Variants in EFCAB6 observed in about 807,000 individuals in gnomAD.
EFCAB6 encodes the protein EF-hand calcium-binding domain-containing protein 6.
EFCAB6 carries 156 observed loss-of-function variants against 169.8 expected under a neutral mutation model. The ratio of observed to expected loss-of-function variants is 0.92; its 90% CI spans 0.81 to 1.05. EFCAB6 has a LOEUF of 1.05. Among genes scored for constraint, EFCAB6 ranks in the 50% least tolerant of loss-of-function variants. EFCAB6 has a pLI of 0.00. For synonymous variants in EFCAB6, 698 were observed against 676.4 expected (o/e 1.03, Z -0.50); for missense variants, 1,800 against 1,829.1 (o/e 0.98, Z 0.29).
intron 6 of EFCAB6, among the ~76,000 whole-genome samples, chr22:43,751,579 C>T (rs192750307): frequency 1.2e-4 from 19 of 152,188 alleles, no homozygotes; most frequent in African/African-American, 3.9e-4. Flanking sequence ...GAAAGACTGA[C>T]GCGGTGGAGG....
At position 43,765,313 on chromosome 22, in the gene EFCAB6, A is replaced by G; in HGVS notation, c.432T>C (p.Gly144=). The change falls in exon 5 of 32, where the codon GGT becomes GGC. Residue 144 remains glycine, a synonymous_variant. Transcript: ENST00000262726. Reference sequence around the variant, plus strand: ...GCAAACCAAACACTTACCTCTTTATACCATTTATATATAGGTCAATTCCAC... The same window carrying G: ...GCAAACCAAACACTTACCTCTTTATGCCATTTATATATAGGTCAATTCCAC... ...RFGGIDLYIN[G]IKRGGGNEMN... is the part of the protein sequence containing the mutation. 6.2e-7 allele frequency: 1 copy of G among 1,611,284 alleles called. No individual in the cohort carries two copies. Among genetic ancestry groups the G allele is most frequent in the Non-Finnish European group, 8.5e-7 (1 of 1,177,974 alleles).
chr22:43,809,557 C>G (rs774701435), intron 1 of EFCAB6, among the ~76,000 whole-genome samples: 1 of 152,140 alleles, frequency 6.6e-6, no homozygotes, highest in Non-Finnish European at 1.5e-5. Context: ...TGTTAAGTCC[C>G]TTAACCTCTC....
At chr22:43,727,104 C>T (rs965363695) in intron 8 of EFCAB6, among the ~76,000 whole-genome samples, 1 of 152,044 alleles carries the variant, frequency 6.6e-6, no homozygotes, top group Non-Finnish European at 1.5e-5. Context: ...CTGAGATGAC[C>T]TAGTTGTTGG....
intron 4 of EFCAB6, among the ~76,000 whole-genome samples, chr22:43,767,796 C>G (rs1290609355): frequency 7.3e-6 from 1 of 137,582 alleles, no homozygotes; most frequent in African/African-American, 2.8e-5. Context: ...AACACAAATT[C>G]TAATGTGGTA....
intron 17 of EFCAB6, among the ~76,000 whole-genome samples, chr22:43,637,776 TG>T (rs1205120188): frequency 6.6e-6 from 1 of 152,220 alleles, no homozygotes; most frequent in Non-Finnish European, 1.5e-5. Context: ...AGGATGGCAC[TG>T]GTGTTCAGGT....
At chr22:43,683,631 A>T in intron 12 of EFCAB6, 116 bp downstream of exon 12, 1 of 776,182 alleles carries the variant, frequency 1.3e-6, no homozygotes, top group Non-Finnish European at 2.2e-6. Flanking sequence ...GGGGCTCAAG[A>T]AGTGTTTGTT....
chr22:43,537,528 G>C lies in EFCAB6; in HGVS notation c.3897C>G (p.Thr1299=). 6.2e-7 allele frequency: 1 copy of C among 1,613,944 alleles called. No individual in the cohort carries two copies. Among genetic ancestry groups the C allele is most frequent in the Middle Eastern group, 1.7e-4 (1 of 6,060 alleles). The change falls in exon 29 of 32, where the codon ACC becomes ACG. Residue 1299 remains threonine, a synonymous_variant. Coordinates refer to ENST00000262726, the MANE Select transcript of EFCAB6 (RefSeq NM_022785.4). The surrounding 1 kb of genome is among the most constrained non-coding windows in gnomAD (Gnocchi z 4.3). ...QSHPCTPAST[T]VIPGTPPLQN... ...GCAAGGGTGGAGTGCCCGGGATCACGGTGGTGCTCGCTGGAGTCTAGCAGG... is the reference window on the plus strand; with the variant it reads ...GCAAGGGTGGAGTGCCCGGGATCACCGTGGTGCTCGCTGGAGTCTAGCAGG...
At chr22:43,811,350 G>A (rs2063116584) in intron 1 of EFCAB6, among the ~76,000 whole-genome samples, 1 of 118,386 alleles carries the variant, frequency 8.4e-6, no homozygotes. Flanking sequence ...GAGGAGGGGA[G>A]GAAGGGAAGA....
chr22:43,738,211 C>T (rs549262380), intron 6 of EFCAB6, among the ~76,000 whole-genome samples: 4 of 151,200 alleles, frequency 2.6e-5, no homozygotes, highest in African/African-American at 4.9e-5. Flanking sequence ...AACTCACACA[C>T]GTGCATATAC....
intron 31 of EFCAB6, 91 bp downstream of exon 31, chr22:43,530,724 A>T: frequency 6.4e-7 from 1 of 1,572,632 alleles, no homozygotes; most frequent in Non-Finnish European, 8.6e-7. Context: ...GGCCTTCGGC[A>T]GCAGGTAGAG....
At chr22:43,753,859 G>A (rs1441129085) in intron 6 of EFCAB6, among the ~76,000 whole-genome samples, 3 of 152,200 alleles carry the variant, frequency 2.0e-5, no homozygotes, top group Admixed American at 1.3e-4. Context: ...CTTGGCTCCA[G>A]TAAGCCACGT....
chr22:43,547,817 C>T (rs958076966), intron 27 of EFCAB6, among the ~76,000 whole-genome samples: 6 of 144,742 alleles, frequency 4.1e-5, no homozygotes. Context: ...AAAGGCTGGG[C>T]GTGGTGGCTC....
chr22:43,708,829 A>T (rs1355555365), intron 10 of EFCAB6, among the ~76,000 whole-genome samples: 1 of 152,210 alleles, frequency 6.6e-6, no homozygotes, highest in East Asian at 1.9e-4. Context: ...AGAATTGTAT[A>T]TAATACAGCA....
rs549808631 is a variant in EFCAB6 at position 43,631,136 on chromosome 22, C to T, written c.2232+969G>A. 3.8e-4 allele frequency among the ~76,000 whole-genome samples: 58 copies of T among 151,938 alleles called. 1 individual carries two copies. Among genetic ancestry groups the T allele is most frequent in the African/African-American group, 1.3e-3 (52 of 41,290 alleles). Reference sequence around the variant, plus strand: ...CAGGCTGCTCTGATACCCAGTCTCTCGCCCGTCCCTTCCCTTCTGGACTTC... The same window carrying T: ...CAGGCTGCTCTGATACCCAGTCTCTTGCCCGTCCCTTCCCTTCTGGACTTC... On this transcript the variant is annotated intron_variant, in intron 19 of 31. Transcript: ENST00000262726.
intron 23 of EFCAB6, among the ~76,000 whole-genome samples, chr22:43,596,127 C>T (rs1161294918): frequency 1.3e-5 from 2 of 151,972 alleles, no homozygotes; most frequent in African/African-American, 4.8e-5. Flanking sequence ...ATGACAAACC[C>T]ATAGCTAATA....
At chr22:43,668,795 G>T in intron 16 of EFCAB6, 77 bp downstream of exon 16, 1 of 1,283,282 alleles carries the variant, frequency 7.8e-7, no homozygotes, top group South Asian at 2.5e-5. Flanking sequence ...ATACTCAGTT[G>T]ACAAATAGTT....
intron 26 of EFCAB6, among the ~76,000 whole-genome samples, chr22:43,575,200 GTTTGT>G (rs1419119794): frequency 1.3e-5 from 2 of 151,780 alleles, no homozygotes; most frequent in African/African-American, 4.8e-5. Context: ...TTGTTTGTTT[GTTTGT>G]TTTGAGACAG....
intron 25 of EFCAB6, among the ~76,000 whole-genome samples, chr22:43,579,237 A>G (rs1186630720): frequency 1.2e-4 from 13 of 106,358 alleles, no homozygotes; most frequent in Non-Finnish European, 2.4e-4. Flanking sequence ...CAGGCATCAT[A>G]CCCTACATGC....
chr22:43,779,750 C>A (rs1221358443), intron 3 of EFCAB6, among the ~76,000 whole-genome samples: 1 of 151,396 alleles, frequency 6.6e-6, no homozygotes, highest in Non-Finnish European at 1.5e-5. Flanking sequence ...AATAAAACAA[C>A]AAGAAAAAAA....
Sources: allele counts gnomAD v4.1 joint callset (sites outside exome capture counted in the v4.1 genomes callset), GRCh38; gene constraint gnomAD v4.1.1; non-coding constraint Gnocchi (gnomAD v3.1); transcripts MANE v1.5; gene names NCBI Gene and HGNC (gene_info 2026-07-23, HGNC 2026-07-21).